The following SLC17A1 variants were observed in gnomAD, a reference collection of about 807,000 sequenced individuals.
SLC17A1 encodes solute carrier family 17 member 1.
Under a neutral mutation model 53.5 loss-of-function variants are expected in SLC17A1, and 51 were observed. That is an observed-to-expected ratio of 0.95 (90% CI 0.76 to 1.20). The LOEUF (loss-of-function observed/expected upper bound fraction) is 1.20. Among genes scored for constraint, SLC17A1 ranks in the 50% most tolerant of loss-of-function variants. The pLI, the probability that SLC17A1 is intolerant of heterozygous loss-of-function variation, is 0.00. For synonymous variants in SLC17A1, 179 were observed against 198.8 expected (o/e 0.90, Z 0.84); for missense variants, 538 against 568.2 (o/e 0.95, Z 0.54).
the SLC17A1 span, among the ~76,000 whole-genome samples, chr6:25,772,205 C>G: frequency 2.0e-5 from 3 of 152,130 alleles, no homozygotes; most frequent in African/African-American, 7.2e-5. Flanking sequence ...ACAAGAAAAT[C>G]TTACTGTGCT....
chr6:25,828,014 G>T (rs765285), intron 2 of SLC17A1, among the ~76,000 whole-genome samples: 8 of 151,976 alleles, frequency 5.3e-5, no homozygotes, highest in Non-Finnish European at 7.4e-5. Flanking sequence ...GTGGAAGAGG[G>T]GCCTATGATT....
At chr6:25,788,166 G>C (rs1177611944) in intron 12 of SLC17A1, among the ~76,000 whole-genome samples, 1 of 152,160 alleles carries the variant, frequency 6.6e-6, no homozygotes, top group East Asian at 1.9e-4. Context: ...AAAACCCTCA[G>C]AGCATGAGAC....
chr6:25,779,241 T>C, downstream of SLC17A1: 1 of 1,602,760 alleles, frequency 6.2e-7, no homozygotes, highest in Non-Finnish European at 8.5e-7. Context: ...TTGTTTTCCC[T>C]CACAGACATT....
chr6:25,779,455 G>A (rs1763196972), downstream of SLC17A1: 1 of 339,594 alleles, frequency 2.9e-6, no homozygotes, highest in South Asian at 6.7e-5. Context: ...AGGGGCTGGG[G>A]ACAATTTCTT....
the SLC17A1 span, chr6:25,773,773 G>C: frequency 1.5e-6 from 2 of 1,333,880 alleles, no homozygotes; most frequent in Non-Finnish European, 2.1e-6. Flanking sequence ...ACAAAATCGG[G>C]GGATTAGGAC....
chr6:25,735,899 G>A, the SLC17A1 span, among the ~76,000 whole-genome samples: 5 of 152,256 alleles, frequency 3.3e-5, no homozygotes, highest in Admixed American at 2.6e-4. Context: ...TTCAAAGGTT[G>A]GGCATGCCAC....
chr6:25,774,581 C>G, the SLC17A1 span, among the ~76,000 whole-genome samples: 3 of 152,170 alleles, frequency 2.0e-5, no homozygotes, highest in African/African-American at 7.2e-5. Flanking sequence ...AGAAATTAAA[C>G]CAGAACCTTA....
chr6:25,769,172 A>G, the SLC17A1 span: 3 of 1,613,922 alleles, frequency 1.9e-6, no homozygotes, highest in Non-Finnish European at 2.5e-6. Flanking sequence ...ATGAAACTCT[A>G]AAAGAATTTA....
chr6:25,767,389 A>G, the SLC17A1 span, among the ~76,000 whole-genome samples: 1 of 152,180 alleles, frequency 6.6e-6, no homozygotes, highest in Non-Finnish European at 1.5e-5. Flanking sequence ...ATAAACTTAC[A>G]TAAACTTATT....
chr6:25,824,601 T>C (rs559515495), intron 3 of SLC17A1, among the ~76,000 whole-genome samples: 1 of 151,918 alleles, frequency 6.6e-6, no homozygotes, highest in Non-Finnish European at 1.5e-5. Context: ...TCATGATACA[T>C]GAAATAGTAT....
At chr6:25,793,217 T>G (rs1437826254) in intron 12 of SLC17A1, among the ~76,000 whole-genome samples, 1 of 152,190 alleles carries the variant, frequency 6.6e-6, no homozygotes, top group Non-Finnish European at 1.5e-5. Context: ...TTATTTTTTA[T>G]GCTTGGAATA....
chr6:25,820,839 C>T (rs1349400054), intron 3 of SLC17A1, among the ~76,000 whole-genome samples: 3 of 141,266 alleles, frequency 2.1e-5, no homozygotes, highest in Admixed American at 7.6e-5. Flanking sequence ...GTGGAGCTTG[C>T]AGTGACCAAG....
At chr6:25,819,479 G>A (rs775192941) in intron 5 of SLC17A1, 32 bp downstream of exon 5, 2 of 1,504,782 alleles carry the variant, frequency 1.3e-6, no homozygotes, top group East Asian at 4.5e-5. Flanking sequence ...GATGAAGATA[G>A]GATTCAAACA....
At chr6:25,741,239 C>A in the SLC17A1 span, among the ~76,000 whole-genome samples, 4 of 152,118 alleles carry the variant, frequency 2.6e-5, no homozygotes, top group Non-Finnish European at 5.9e-5. Context: ...AATGATTACA[C>A]ATTGAATGCA....
the SLC17A1 span, among the ~76,000 whole-genome samples, chr6:25,773,871 T>G: frequency 3.9e-5 from 6 of 152,188 alleles, no homozygotes; most frequent in African/African-American, 1.4e-4. Flanking sequence ...TGCAGGAGGA[T>G]GATACATATG....
At chr6:25,734,184 T>C in the SLC17A1 span, among the ~76,000 whole-genome samples, 1 of 152,146 alleles carries the variant, frequency 6.6e-6, no homozygotes, top group African/African-American at 2.4e-5. Flanking sequence ...ATTAAATAAA[T>C]ATAAGAGCTA....
intron 12 of SLC17A1, among the ~76,000 whole-genome samples, chr6:25,794,968 G>C (rs1391618643): frequency 6.6e-6 from 1 of 152,212 alleles, no homozygotes; most frequent in African/African-American, 2.4e-5. Flanking sequence ...AGAGTGACAG[G>C]TAAAATACTG....
chr6:25,776,910 A>C, the SLC17A1 span: 1 of 1,613,706 alleles, frequency 6.2e-7, no homozygotes, highest in Non-Finnish European at 8.5e-7. Flanking sequence ...TGCCATCAGC[A>C]GCTTCTGTGA....
chr6:25,726,948 A>AT, the SLC17A1 span: 4 of 1,613,934 alleles, frequency 2.5e-6, no homozygotes, highest in Non-Finnish European at 3.4e-6. Context: ...CATTTCCAAG[A>AT]AGGGCTTTAA....
Sources: allele counts gnomAD v4.1 joint callset (sites outside exome capture counted in the v4.1 genomes callset), GRCh38; gene constraint gnomAD v4.1.1; transcripts MANE v1.5; gene names NCBI Gene and HGNC (gene_info 2026-07-23, HGNC 2026-07-21).